The following SGSM1 variants were observed in gnomAD, a reference collection of about 807,000 sequenced individuals.
The protein encoded by SGSM1 is RUN and TBC1 domain containing 2.
Under a neutral mutation model 133.8 loss-of-function variants are expected in SGSM1, and 73 were observed. That is an observed-to-expected ratio of 0.55 (90% CI 0.45 to 0.66). The LOEUF is 0.66. Ranked by LOEUF, SGSM1 falls within the 30% of genes least tolerant of loss-of-function variation. The pLI is 0.00. For missense variants in SGSM1, 1,213 were observed against 1,448.1 expected (o/e 0.84, Z 2.64); for synonymous variants, 563 against 573.0 (o/e 0.98, Z 0.25).
At chr22:24,911,030 G>T (rs1352922290) in intron 21 of SGSM1, among the ~76,000 whole-genome samples, 2 of 152,228 alleles carry the variant, frequency 1.3e-5, no homozygotes, top group Admixed American at 1.3e-4. Context: ...GAGGTGGGCA[G>T]ATTGTGACTA....
chr22:24,890,203 G>T (rs544713996), intron 16 of SGSM1, among the ~76,000 whole-genome samples: 1 of 151,536 alleles, frequency 6.6e-6, no homozygotes, highest in Admixed American at 6.6e-5. Context: ...TGATCCGCCC[G>T]CCTTGGCCTC....
Position 24,847,789 on chromosome 22 carries a change from G to A in SGSM1, c.295G>A (p.Glu99Lys), listed in dbSNP as rs199982249. ...GGTGCAAGACCTGGAGCAGCTGATCGAGAGCGCGTGAGTGCAAAGCATGGG... is the reference window on the plus strand; with the variant it reads ...GGTGCAAGACCTGGAGCAGCTGATCAAGAGCGCGTGAGTGCAAAGCATGGG... ...RKVQDLEQLI[E>K]SARNQIQGLQ... is the part of the protein sequence containing the mutation. The change falls in exon 4 of 25, where the codon GAG (glutamate) becomes AAG (lysine). Residue 99 changes from glutamate (E) to lysine (K), a missense_variant. Transcript: ENST00000400358. 2.4e-5 allele frequency: 39 copies of A among 1,613,454 alleles called. No individual in the cohort carries two copies. Among genetic ancestry groups the A allele is most frequent in the Admixed American group, 1.0e-4 (6 of 59,978 alleles).
chr22:24,818,704 A>G (rs557667891), intron 2 of SGSM1, among the ~76,000 whole-genome samples: 1 of 152,140 alleles, frequency 6.6e-6, no homozygotes, highest in African/African-American at 2.4e-5. Context: ...TTAGAGGGAT[A>G]TGCCAAAACA....
chr22:24,879,059 C>G (rs5996784), intron 13 of SGSM1, among the ~76,000 whole-genome samples: 1 of 152,112 alleles, frequency 6.6e-6, no homozygotes, highest in African/African-American at 2.4e-5. Flanking sequence ...CAGCCACTGC[C>G]CTATATCCCA....
intron 24 of SGSM1, 74 bp downstream of exon 24, chr22:24,920,067 T>C (rs1391417255): frequency 2.0e-6 from 3 of 1,477,722 alleles, no homozygotes; most frequent in Non-Finnish European, 2.7e-6. Context: ...TCAGGAGGAA[T>C]GAAGATGGGC....
At chr22:24,913,328 G>A (rs1933705234) in intron 22 of SGSM1, among the ~76,000 whole-genome samples, 1 of 151,084 alleles carries the variant, frequency 6.6e-6, no homozygotes, top group South Asian at 2.1e-4. Context: ...AAAAAGAAGT[G>A]CAAATTACTG....
At chr22:24,882,134 A>G (rs2046719979) in intron 14 of SGSM1, among the ~76,000 whole-genome samples, 1 of 151,834 alleles carries the variant, frequency 6.6e-6, no homozygotes, top group Non-Finnish European at 1.5e-5. Context: ...AGACGCAATT[A>G]TGGTTCACTG....
intron 2 of SGSM1, among the ~76,000 whole-genome samples, chr22:24,823,338 C>T (rs907680131): frequency 2.6e-5 from 4 of 152,084 alleles, no homozygotes; most frequent in African/African-American, 7.2e-5. Flanking sequence ...CGCGGTGGCT[C>T]GCACCTGTAA....
At chr22:24,847,546 G>A in intron 3 of SGSM1, 88 bp from the exon 4 acceptor site, 1 of 1,495,718 alleles carries the variant, frequency 6.7e-7, no homozygotes, top group South Asian at 1.3e-5. Context: ...GCTCTCCAAG[G>A]TTCCAGTGTC....
chr22:24,841,751 G>T (rs565553302), intron 2 of SGSM1, among the ~76,000 whole-genome samples: 1 of 152,144 alleles, frequency 6.6e-6, no homozygotes, highest in African/African-American at 2.4e-5. Context: ...TTTAGAAGTT[G>T]GTGCTGTTTT....
At chr22:24,921,104 CTTTTT>C (rs879437883) in intron 24 of SGSM1, among the ~76,000 whole-genome samples, 1 of 146,182 alleles carries the variant, frequency 6.8e-6, no homozygotes, top group Non-Finnish European at 1.5e-5. Context: ...TTCATATAAT[CTTTTT>C]TTTTTTTTGA....
chr22:24,923,246 G>A (rs1175042759), intron 24 of SGSM1, among the ~76,000 whole-genome samples: 1 of 152,018 alleles, frequency 6.6e-6, no homozygotes, highest in Non-Finnish European at 1.5e-5. Context: ...GTATTCCCAC[G>A]CTTCCCTCGA....
At chr22:24,837,586 C>CA (rs1555922707) in intron 2 of SGSM1, among the ~76,000 whole-genome samples, 1 of 74,048 alleles carries the variant, frequency 1.4e-5, no homozygotes. Flanking sequence ...AGACCCCCCC[C>CA]CCCCCTTTCC....
chr22:24,853,078 C>T (rs1170489881), intron 5 of SGSM1, among the ~76,000 whole-genome samples: 1 of 152,158 alleles, frequency 6.6e-6, no homozygotes, highest in East Asian at 1.9e-4. Flanking sequence ...TCCAACAATC[C>T]AGGCATTTGA....
At chr22:24,836,073 A>C (rs1435744608) in intron 2 of SGSM1, among the ~76,000 whole-genome samples, 1 of 152,146 alleles carries the variant, frequency 6.6e-6, no homozygotes, top group East Asian at 1.9e-4. Flanking sequence ...TTTTCGAAAG[A>C]TAAACTCTAT....
Position 24,901,937 on chromosome 22 carries a change from G to A in SGSM1, c.2715G>A (p.Lys905=). The change falls in exon 20 of 25, where the codon AAG becomes AAA. Residue 905 remains lysine, a synonymous_variant. Transcript: ENST00000400358. Reference sequence around the variant, plus strand: ...ACTTCACGCCCGCCAACTTGGAGAAGCTGCGTAACATCATGTGCAGGTGGC... The same window carrying A: ...ACTTCACGCCCGCCAACTTGGAGAAACTGCGTAACATCATGTGCAGGTGGC... ...YWYFTPANLE[K]LRNIMCSYIW... 6.3e-7 allele frequency: 1 copy of A among 1,588,654 alleles called. No individual in the cohort carries two copies. The highest frequency in any genetic ancestry group is 8.6e-7 in the Non-Finnish European group (1 of 1,168,204).
At chr22:24,866,532 C>T (rs1352761806) in intron 9 of SGSM1, among the ~76,000 whole-genome samples, 1 of 152,164 alleles carries the variant, frequency 6.6e-6, no homozygotes, top group Non-Finnish European at 1.5e-5. Flanking sequence ...GGGGTAGTAG[C>T]TTCAGGCATG....
intron 19 of SGSM1, among the ~76,000 whole-genome samples, chr22:24,900,492 C>T (rs1413142331): frequency 2.6e-5 from 4 of 151,812 alleles, no homozygotes; most frequent in Non-Finnish European, 5.9e-5. Context: ...CTCCGCCTCC[C>T]GGGTTCAAGC....
chr22:24,846,792 A>G (rs1930173308), intron 3 of SGSM1, among the ~76,000 whole-genome samples: 1 of 152,216 alleles, frequency 6.6e-6, no homozygotes, highest in South Asian at 2.1e-4. Context: ...CAAATATTTT[A>G]AATCTATGGG....
Sources: gnomAD v4.1 joint callset for allele counts (sites outside exome capture counted in the v4.1 genomes callset) on GRCh38, gnomAD v4.1.1 for gene constraint, MANE v1.5 for transcripts, NCBI Gene and HGNC (gene_info 2026-07-23, HGNC 2026-07-21) for gene names.